The following COA8 variants were observed in gnomAD, a reference collection of about 807,000 sequenced individuals.
The protein encoded by COA8 is cytochrome c oxidase assembly factor 8.
In COA8, 20 loss-of-function variants were observed where a neutral mutation model predicts 22.0. The observed-to-expected ratio is 0.91, with a 90% confidence interval of 0.64 to 1.32. The LOEUF is 1.32. Ranked by LOEUF, COA8 falls within the 40% of genes most tolerant of loss-of-function variation. The pLI is 0.00. For missense variants in COA8, 266 were observed against 230.0 expected, an observed-to-expected ratio of 1.16 and a Z score of -1.01; for synonymous variants, 105 against 79.9, an observed-to-expected ratio of 1.31 and a Z score of -1.68.
chr14:103,581,831 G>T lies in COA8; in HGVS notation c.386-5443G>T, dbSNP rs1223578624. ...ACGTGGCTCCTGTCCTGTCTGCCGT[G>T]TGGCTAGGGGACAGCCGTGCTTGTG... On this transcript the variant is annotated intron_variant, in intron 3 of 4. Transcript: ENST00000409074. The surrounding 1 kb of genome is among the most constrained non-coding windows in gnomAD (Gnocchi z 4.1). Among the ~76,000 whole-genome samples the T allele has an allele frequency of 1.3e-5, 2 of 152,362 alleles. No individual in the cohort carries two copies. The highest frequency in any genetic ancestry group is 3.9e-4 in the East Asian group (2 of 5,184).
intron 3 of COA8, among the ~76,000 whole-genome samples, chr14:103,584,373 C>CTTGGTCTTTCCA (rs2076290052): frequency 6.6e-6 from 1 of 152,128 alleles, no homozygotes; most frequent in Non-Finnish European, 1.5e-5. Context: ...AGCTTCCAAT[C>CTTGGTCTTTCCA]AAGGCTTGGT....
chr14:103,565,132 C>CT (rs1280809564), intron 1 of COA8, among the ~76,000 whole-genome samples: 1 of 150,842 alleles, frequency 6.6e-6, no homozygotes, highest in South Asian at 2.1e-4. Context: ...ATTTTTTTTT[C>CT]TTTTTTTAGT....
intron 3 of COA8, among the ~76,000 whole-genome samples, chr14:103,575,600 G>A (rs1412868382): frequency 6.6e-6 from 1 of 152,210 alleles, no homozygotes. Context: ...TGTTGAATAC[G>A]TGATATTGGA....
chr14:103,580,091 T>C (rs187286033), intron 3 of COA8, among the ~76,000 whole-genome samples: 1 of 152,032 alleles, frequency 6.6e-6, no homozygotes, highest in Non-Finnish European at 1.5e-5. Context: ...TTTGCAAATA[T>C]TTGGAGACAA....
intron 3 of COA8, among the ~76,000 whole-genome samples, chr14:103,583,434 G>A (rs965191168): frequency 1.1e-4 from 17 of 151,422 alleles, no homozygotes; most frequent in African/African-American, 2.9e-4. Context: ...CCAGCTACTC[G>A]GGAGGCTGAA....
At chr14:103,568,647 A>G (rs989270824) in intron 1 of COA8, among the ~76,000 whole-genome samples, 7 of 137,448 alleles carry the variant, frequency 5.1e-5, no homozygotes, top group Non-Finnish European at 4.7e-5. Context: ...ATATATATAT[A>G]GTGACAGGGT....
At chr14:103,573,169 CTT>C (rs1007964622) in intron 2 of COA8, among the ~76,000 whole-genome samples, 1 of 147,778 alleles carries the variant, frequency 6.8e-6, no homozygotes, top group Non-Finnish European at 1.5e-5. Flanking sequence ...AAACATTTAA[CTT>C]TTTTTTTTTT....
chr14:103,580,755 A>G, intron 3 of COA8, among the ~76,000 whole-genome samples: 1 of 149,464 alleles, frequency 6.7e-6, no homozygotes, highest in Non-Finnish European at 1.5e-5. Flanking sequence ...AGCCTCCCAA[A>G]GTGCTGGGAT....
intron 4 of COA8, chr14:103,587,967 A>C (rs1347414575): frequency 5.7e-6 from 1 of 174,270 alleles, no homozygotes; most frequent in African/African-American, 2.4e-5. Context: ...CAACATGGAG[A>C]AACCCTGTCT....
intron 4 of COA8, among the ~76,000 whole-genome samples, chr14:103,589,171 T>C (rs1163221229): frequency 6.6e-6 from 1 of 152,260 alleles, no homozygotes; most frequent in South Asian, 2.1e-4. Context: ...ACAGCAGAAG[T>C]GTAGCTTGCT....
Position 103,574,103 on chromosome 14 carries a change from T to TTTTTTGA in COA8, c.322-4_322-3insTTTTTGA. The TTTTTTGA allele has an allele frequency of 1.3e-6, 2 of 1,484,224 alleles. No individual in the cohort carries two copies. The highest frequency in any genetic ancestry group is 1.8e-6 in the Non-Finnish European group (2 of 1,115,542). 91.9% of individuals were successfully genotyped at this position (1,484,224 alleles called of 1,614,324 possible). A position where few individuals can be genotyped will look rare whatever the true frequency, so the allele number is the denominator to read the frequency against. On this transcript the variant is annotated splice_region_variant and splice_polypyrimidine_tract_variant and intron_variant, in intron 2 of 4. Transcript: ENST00000409074. ...CTTTTTTTTTTTTTTTTTTTTTTTT[T>TTTTTTGA]AAGGAAAAAGAAGAATTTATTCACT...
Position 103,581,944 on chromosome 14 carries a change from T to C in COA8, c.386-5330T>C, listed in dbSNP as rs561677543. 4.6e-5 allele frequency among the ~76,000 whole-genome samples: 7 copies of C among 152,290 alleles called. No individual in the cohort carries two copies. Among genetic ancestry groups the C allele is most frequent in the South Asian group, 2.1e-4 (1 of 4,834 alleles). On this transcript the variant is annotated intron_variant, in intron 3 of 4. Coordinates refer to ENST00000409074, the MANE Select transcript of COA8 (RefSeq NM_001370595.2). The surrounding 1 kb of genome is among the most constrained non-coding windows in gnomAD (Gnocchi z 4.1). ...GCTCTGTGGAGGGAGGGTGGAATCA[T>C]GCCTTTGGCCACTTTGCCCACTCCC... is the stretch of plus-strand genomic sequence containing the variant.
At position 103,581,757 on chromosome 14, in the gene COA8, A is replaced by G. The variant is rs2076268803; in HGVS notation, c.386-5517A>G. On this transcript the variant is annotated intron_variant, in intron 3 of 4. Transcript: ENST00000409074. This position sits in a 1 kb window ranked among gnomAD's most constrained non-coding sequence, Gnocchi z 4.1. ...GCAGAGCAGGGGGCTGTAGAGTTAA[A>G]CTGTTCTTCATTCCGGTGGCACTAG... is the stretch of plus-strand genomic sequence containing the variant. 1.5e-5 allele frequency: 6 copies of G among 396,048 alleles called. No individual in the cohort carries two copies. Among genetic ancestry groups the G allele is most frequent in the Non-Finnish European group, 2.7e-5 (6 of 224,870 alleles). 24.5% of individuals were successfully genotyped at this position (396,048 alleles called of 1,614,324 possible). A position where few individuals can be genotyped will look rare whatever the true frequency, so the allele number is the denominator to read the frequency against.
intron 4 of COA8, among the ~76,000 whole-genome samples, chr14:103,588,960 A>G (rs139533749): frequency 6.6e-6 from 1 of 152,318 alleles, no homozygotes; most frequent in East Asian, 1.9e-4. Context: ...ATTACTCTGA[A>G]TTAGTTAAGT....
chr14:103,568,621 G>GTGTATATA (rs1232366571), intron 1 of COA8, among the ~76,000 whole-genome samples: 33 of 141,870 alleles, frequency 2.3e-4, no homozygotes, highest in African/African-American at 8.8e-4. Flanking sequence ...ATGTGTGTGT[G>GTGTATATA]TATATATATA....
At chr14:103,568,948 A>G (rs1048444578) in intron 1 of COA8, among the ~76,000 whole-genome samples, 3 of 152,072 alleles carry the variant, frequency 2.0e-5, no homozygotes, top group East Asian at 1.9e-4. Flanking sequence ...AGATTTTCAC[A>G]AGAACCGGAA....
chr14:103,563,910 G>C (rs1305028166), intron 1 of COA8, among the ~76,000 whole-genome samples: 1 of 152,212 alleles, frequency 6.6e-6, no homozygotes, highest in African/African-American at 2.4e-5. Flanking sequence ...TGTAATCCCA[G>C]CACTTTGGGA....
chr14:103,568,562 CATAT>C (rs1422808363), intron 1 of COA8, among the ~76,000 whole-genome samples: 1 of 129,510 alleles, frequency 7.7e-6, no homozygotes. Flanking sequence ...CATATACACA[CATAT>C]ATACGTGTGT....
rs2076343420 is a variant in COA8 at position 103,590,477 on chromosome 14, A to C, written c.*191A>C. On this transcript the variant is annotated 3_prime_UTR_variant, in exon 5 of 5. Transcript: ENST00000409074. ...CCGCCTGCCTGCTGATGTGGGCTCTAGGCCAGCTTGTTGTCACGTACGTGG... is the reference window on the plus strand; with the variant it reads ...CCGCCTGCCTGCTGATGTGGGCTCTCGGCCAGCTTGTTGTCACGTACGTGG... 1.8e-6 allele frequency: 1 copy of C among 556,868 alleles called. No individual in the cohort carries two copies. Among genetic ancestry groups the C allele is most frequent in the Non-Finnish European group, 3.2e-6 (1 of 314,720 alleles). The allele number at this position is 556,868 out of a possible 1,614,324, so 34.5% of individuals were successfully genotyped here.
Sources: allele counts gnomAD v4.1 joint callset (sites outside exome capture counted in the v4.1 genomes callset), GRCh38; gene constraint gnomAD v4.1.1; non-coding constraint Gnocchi (gnomAD v3.1); transcripts MANE v1.5; gene names NCBI Gene and HGNC (gene_info 2026-07-23, HGNC 2026-07-21).